The following MYO1H variants were observed in gnomAD, a reference collection of about 807,000 sequenced individuals.
The protein encoded by MYO1H is myosin IH.
In MYO1H, 118 loss-of-function variants were observed where a neutral mutation model predicts 149.3. The ratio of observed to expected loss-of-function variants is 0.79; its 90% confidence interval spans 0.68 to 0.92. The LOEUF (loss-of-function observed/expected upper bound fraction) is 0.92. Among genes scored for constraint, MYO1H ranks in the 40% least tolerant of loss-of-function variants. MYO1H has a pLI of 0.00. For missense variants in MYO1H, 1,212 were observed against 1,280.7 expected (o/e 0.95, Z 0.82); for synonymous variants, 447 against 465.2 (o/e 0.96, Z 0.50).
rs1408942361 is a variant in MYO1H, at chr12:109,443,650, G to A, written c.2824+1G>A. The A allele has an allele frequency of 6.2e-7, 1 of 1,613,478 alleles. No individual in the cohort carries two copies. Among genetic ancestry groups the A allele is most frequent in the African/African-American group, 1.3e-5 (1 of 74,838 alleles). ...AAAATAGAGTACTCAGCTCTCAAAG[G>A]TAAGAAGTGGGCAATCTTTAAAACA... On this transcript the variant is annotated splice_donor_variant, in intron 28 of 31. Transcript: ENST00000310903. LOFTEE classifies it high-confidence loss of function.
intron 21 of MYO1H, 91 bp downstream of exon 21, chr12:109,435,204 A>C (rs1592817658): frequency 1.3e-5 from 10 of 770,906 alleles, no homozygotes; most frequent in East Asian, 2.6e-5. Context: ...TGTTTGATAT[A>C]GTGTTAGAAG....
At chr12:109,443,016 A>G in intron 27 of MYO1H, among the ~76,000 whole-genome samples, 1 of 122,068 alleles carries the variant, frequency 8.2e-6, no homozygotes. Context: ...AAAAATATAT[A>G]TATATATATA....
At chr12:109,344,840 G>A (rs2136987848), upstream of MYO1H, among the ~76,000 whole-genome samples, 1 of 152,264 alleles carries the variant, frequency 6.6e-6, no homozygotes, top group South Asian at 2.1e-4. Context: ...ATGGTCAATT[G>A]ATTTTCGACA....
rs745887822 is a variant in MYO1H, at chr12:109,391,265, CT to C, written c.175-2065del. Among the ~76,000 whole-genome samples the C allele has an allele frequency of 8.5e-5, 13 of 152,224 alleles. 1 individual carries two copies. The highest frequency in any genetic ancestry group is 4.1e-4 in the South Asian group (2 of 4,820). On this transcript the variant is annotated intron_variant, in intron 2 of 31. Coordinates refer to ENST00000310903, the Ensembl canonical transcript of MYO1H. ...AAGCCCCAATGGGTGTTGTTCCCCC[CT>C]CTCCCACAAATGTGTCCATGTGTCC...
chr12:109,392,337 T>C (rs1760172036), intron 2 of MYO1H, among the ~76,000 whole-genome samples: 1 of 152,220 alleles, frequency 6.6e-6, no homozygotes. Flanking sequence ...GCCTGCCTCA[T>C]GTATCCCTTC....
chr12:109,362,516 A>G (rs146383079), intron 1 of MYO1H, among the ~76,000 whole-genome samples: 143 of 152,348 alleles, frequency 9.4e-4, no homozygotes, highest in African/African-American at 3.2e-3. Flanking sequence ...TGTTTAACAC[A>G]TCACAGGAGC....
At chr12:109,383,399 C>T (rs76060467) in intron 1 of MYO1H, among the ~76,000 whole-genome samples, 2,139 of 152,240 alleles carry the variant, frequency 0.014, 16 homozygotes, top group Non-Finnish European at 0.023. Flanking sequence ...AGTTCTGTTC[C>T]GCATGTGTAT....
At chr12:109,382,865 T>C (rs1038798541) in intron 1 of MYO1H, among the ~76,000 whole-genome samples, 3 of 148,390 alleles carry the variant, frequency 2.0e-5, no homozygotes, top group Non-Finnish European at 4.5e-5. Flanking sequence ...AAAAATATAT[T>C]TTAAAAATAT....
chr12:109,422,755 AAAC>A (rs1374482656), intron 16 of MYO1H, among the ~76,000 whole-genome samples: 4 of 152,122 alleles, frequency 2.6e-5, no homozygotes, highest in Non-Finnish European at 4.4e-5. Context: ...GCAATGGATT[AAAC>A]AACAACAAAA....
intron 19 of MYO1H, among the ~76,000 whole-genome samples, chr12:109,432,274 G>A (rs1326214361): frequency 1.3e-5 from 2 of 152,082 alleles, no homozygotes; most frequent in Non-Finnish European, 2.9e-5. Context: ...AAAGTGCTGG[G>A]ATTACAGGCT....
intron 1 of MYO1H, among the ~76,000 whole-genome samples, chr12:109,369,488 GC>G (rs1227718612): frequency 6.6e-6 from 1 of 152,096 alleles, no homozygotes; most frequent in African/African-American, 2.4e-5. Context: ...GATGAGAGTG[GC>G]TTTTGCTTTT....
At chr12:109,364,994 G>A (rs963317014) in intron 1 of MYO1H, among the ~76,000 whole-genome samples, 7 of 152,174 alleles carry the variant, frequency 4.6e-5, no homozygotes, top group African/African-American at 1.7e-4. Context: ...CTTCAGGCAG[G>A]GCGTGGTGGT....
intron 30 of MYO1H, 68 bp downstream of exon 30, chr12:109,444,597 T>A: frequency 1.6e-6 from 2 of 1,250,586 alleles, no homozygotes; most frequent in Non-Finnish European, 2.3e-6. Context: ...CCGAGCGTGG[T>A]GGCTCATGCC....
At chr12:109,400,067 G>T (rs1242928589) in intron 5 of MYO1H, among the ~76,000 whole-genome samples, 4 of 152,156 alleles carry the variant, frequency 2.6e-5, no homozygotes, top group Admixed American at 6.5e-5. Flanking sequence ...TCTATTTTGT[G>T]CCTGGCTTCT....
At chr12:109,333,354 G>A in the MYO1H span, among the ~76,000 whole-genome samples, 4 of 152,040 alleles carry the variant, frequency 2.6e-5, no homozygotes, top group African/African-American at 7.2e-5. Context: ...CTAGAGGCCT[G>A]AGGGAGCTTA....
chr12:109,369,420 CAGGAAGGATGCACA>C (rs963380168), intron 1 of MYO1H, among the ~76,000 whole-genome samples: 49 of 152,288 alleles, frequency 3.2e-4, no homozygotes, highest in African/African-American at 9.4e-4. Flanking sequence ...CATAAATTTT[CAGGAAGGATGCACA>C]AGGAAGAGTG....
At chr12:109,419,215 CACTCACTCAT>C (rs1287399258) in intron 15 of MYO1H, among the ~76,000 whole-genome samples, 1 of 151,644 alleles carries the variant, frequency 6.6e-6, no homozygotes, top group Non-Finnish European at 1.5e-5. Context: ...CACACACACA[CACTCACTCAT>C]ACTCATTCAC....
At chr12:109,381,047 A>G (rs1286007640) in intron 1 of MYO1H, among the ~76,000 whole-genome samples, 1 of 152,202 alleles carries the variant, frequency 6.6e-6, no homozygotes, top group African/African-American at 2.4e-5. Context: ...TTCTTCTGCT[A>G]TTGAAAAGGT....
chr12:109,408,689 C>G (rs1432404046), intron 10 of MYO1H, among the ~76,000 whole-genome samples: 3 of 152,154 alleles, frequency 2.0e-5, no homozygotes, highest in Non-Finnish European at 4.4e-5. Flanking sequence ...TGACAAAATT[C>G]ATGGAGGTAG....
Sources: allele counts gnomAD v4.1 joint callset (sites outside exome capture counted in the v4.1 genomes callset), GRCh38; gene constraint gnomAD v4.1.1; transcripts MANE v1.5; gene names NCBI Gene and HGNC (gene_info 2026-07-23, HGNC 2026-07-21).